CRYL1: variants seen among roughly 807,000 people sequenced by gnomAD.
CRYL1 encodes lambda-crystallin homolog.
CRYL1 carries 29 observed loss-of-function variants against 36.6 expected under a neutral mutation model. The observed-to-expected ratio is 0.79, with a 90% CI of 0.59 to 1.08. The LOEUF is 1.08. Among genes scored for constraint, CRYL1 ranks in the 50% least tolerant of loss-of-function variants. The pLI is 0.00. For missense variants in CRYL1, 411 were observed against 407.9 expected (o/e 1.01, Z -0.06); for synonymous variants, 152 against 151.5 (o/e 1.00, Z -0.02).
rs763386226 is a variant in CRYL1 at position 20,507,232 on chromosome 13, T to A, written c.149+5211A>T. Reference sequence around the variant, plus strand: ...GGATGGTTTTTACATTTTTAAACAGTTGGGAAAATTTTAAAATAACATTTT... The same window carrying A: ...GGATGGTTTTTACATTTTTAAACAGATGGGAAAATTTTAAAATAACATTTT... On this transcript the variant is annotated intron_variant, in intron 2 of 7. Transcript: ENST00000298248. 2.0e-5 allele frequency among the ~76,000 whole-genome samples: 3 copies of A among 152,314 alleles called. No homozygotes were observed. The East Asian group carries it at 5.8e-4, about 29-fold the overall frequency.
chr13:20,452,285 T>C (rs1357551443), intron 3 of CRYL1, among the ~76,000 whole-genome samples: 2 of 144,608 alleles, frequency 1.4e-5, no homozygotes, highest in Non-Finnish European at 3.0e-5. Flanking sequence ...CTAAACTATC[T>C]AGAAAAAAAA....
At chr13:20,404,791 T>A in intron 6 of CRYL1, 50 bp from the exon 7 acceptor site, 2 of 1,283,280 alleles carry the variant, frequency 1.6e-6, no homozygotes, top group Non-Finnish European at 1.1e-6. Flanking sequence ...AAAACATTCT[T>A]AGTTATATTC....
At chr13:20,497,033 A>G (rs563847230) in intron 2 of CRYL1, among the ~76,000 whole-genome samples, 2 of 152,254 alleles carry the variant, frequency 1.3e-5, no homozygotes, top group East Asian at 1.9e-4. Context: ...GCAAGTCGCA[A>G]TAGCTCCTGA....
intron 2 of CRYL1, among the ~76,000 whole-genome samples, chr13:20,490,945 G>A (rs1474631423): frequency 1.3e-5 from 2 of 151,926 alleles, no homozygotes; most frequent in African/African-American, 2.4e-5. Flanking sequence ...CTGCTCTGTC[G>A]CCCAGGCTGG....
intron 1 of CRYL1, among the ~76,000 whole-genome samples, chr13:20,524,306 T>TAC (rs765728869): frequency 6.6e-5 from 10 of 152,072 alleles, no homozygotes; most frequent in Non-Finnish European, 1.2e-4. Context: ...TGTATATATA[T>TAC]ACACACACAC....
intron 1 of CRYL1, among the ~76,000 whole-genome samples, chr13:20,516,009 T>C (rs2033991196): frequency 6.6e-6 from 1 of 152,002 alleles, no homozygotes; most frequent in Non-Finnish European, 1.5e-5. Context: ...CTGGCCAACA[T>C]GGGGAAACCC....
intron 1 of CRYL1, among the ~76,000 whole-genome samples, chr13:20,517,087 G>A (rs1489246215): frequency 6.6e-6 from 1 of 151,978 alleles, no homozygotes; most frequent in Non-Finnish European, 1.5e-5. Context: ...TAAAAAAGAA[G>A]GTAATCTTGC....
intron 3 of CRYL1, among the ~76,000 whole-genome samples, chr13:20,467,114 ATT>A (rs34482050): frequency 7.2e-4 from 103 of 143,838 alleles, no homozygotes; most frequent in East Asian, 8.2e-4. Flanking sequence ...CGCCCGGCTG[ATT>A]TTTTTTTTTT....
chr13:20,474,351 T>G (rs2033122915), intron 3 of CRYL1, among the ~76,000 whole-genome samples: 1 of 152,192 alleles, frequency 6.6e-6, no homozygotes. Flanking sequence ...CCCCAGCCGT[T>G]GCTGCATAGG....
intron 5 of CRYL1, among the ~76,000 whole-genome samples, chr13:20,416,578 C>T (rs2031671521): frequency 6.6e-6 from 1 of 152,180 alleles, no homozygotes; most frequent in African/African-American, 2.4e-5. Flanking sequence ...GCTTTCCAGG[C>T]CAACATTCCA....
chr13:20,504,783 A>G (rs192931401), intron 2 of CRYL1, among the ~76,000 whole-genome samples: 36 of 152,330 alleles, frequency 2.4e-4, no homozygotes, highest in African/African-American at 7.9e-4. Context: ...CTGTTAGAAA[A>G]AGATTAGTCT....
chr13:20,501,422 C>T (rs1433621968), intron 2 of CRYL1, among the ~76,000 whole-genome samples: 3 of 152,218 alleles, frequency 2.0e-5, no homozygotes, highest in Non-Finnish European at 2.9e-5. Flanking sequence ...TGCTTTCTAT[C>T]TACAGTATGA....
chr13:20,474,003 T>G (rs547423891), intron 3 of CRYL1, among the ~76,000 whole-genome samples: 85 of 152,220 alleles, frequency 5.6e-4, no homozygotes, highest in Middle Eastern at 3.4e-3. Flanking sequence ...TCGGCTTCCA[T>G]TTCTTCTTCT....
At chr13:20,498,618 CATT>C (rs1324458378) in intron 2 of CRYL1, among the ~76,000 whole-genome samples, 4 of 152,306 alleles carry the variant, frequency 2.6e-5, no homozygotes, top group African/African-American at 9.6e-5. Flanking sequence ...TTAGCATTAA[CATT>C]AATAATATAC....
At chr13:20,438,061 T>C (rs1565964198) in intron 4 of CRYL1, among the ~76,000 whole-genome samples, 1 of 152,228 alleles carries the variant, frequency 6.6e-6, no homozygotes, top group African/African-American at 2.4e-5. Flanking sequence ...TCACTCGTAA[T>C]TGAGTGGTAA....
At chr13:20,443,093 C>G (rs796194079) in intron 3 of CRYL1, among the ~76,000 whole-genome samples, 9 of 152,270 alleles carry the variant, frequency 5.9e-5, no homozygotes, top group African/African-American at 2.2e-4. Context: ...TGCTCTCTAA[C>G]TTGTATTTTT....
At chr13:20,404,878 C>G in intron 6 of CRYL1, 137 bp from the exon 7 acceptor site, 1 of 663,046 alleles carries the variant, frequency 1.5e-6, no homozygotes. Flanking sequence ...GAAGACAAGA[C>G]AGAGCTGGGG....
At chr13:20,500,172 C>T (rs1292882396) in intron 2 of CRYL1, among the ~76,000 whole-genome samples, 4 of 152,136 alleles carry the variant, frequency 2.6e-5, no homozygotes, top group African/African-American at 7.2e-5. Flanking sequence ...ACTTTTATGG[C>T]TTTTTTGTTT....
chr13:20,501,620 C>T (rs531977057), intron 2 of CRYL1, among the ~76,000 whole-genome samples: 76 of 152,256 alleles, frequency 5.0e-4, no homozygotes, highest in African/African-American at 1.8e-3. Flanking sequence ...CATGGAAGAT[C>T]AGGTAAGATT....
Sources: allele counts gnomAD v4.1 joint callset (sites outside exome capture counted in the v4.1 genomes callset), GRCh38; gene constraint gnomAD v4.1.1; transcripts MANE v1.5; gene names NCBI Gene and HGNC (gene_info 2026-07-23, HGNC 2026-07-21).